The following DPYD variants were observed in gnomAD, a reference collection of about 807,000 sequenced individuals.
DPYD encodes the protein dihydropyrimidine dehydrogenase.
A neutral mutation model predicts 116.2 loss-of-function variants in DPYD; 109 were observed. The ratio of observed to expected loss-of-function variants is 0.94; its 90% CI spans 0.80 to 1.10. The LOEUF is 1.10. Ranked by LOEUF, DPYD falls within the 50% of genes least tolerant of loss-of-function variation. The probability of loss-of-function intolerance (pLI) is 0.00; values close to 1 mark genes in which losing one functional copy is unlikely to be tolerated. For missense variants in DPYD, 1,302 were observed against 1,254.5 expected (o/e 1.04, Z -0.57); for synonymous variants, 440 against 432.0 (o/e 1.02, Z -0.23).
At chr1:97,346,109 T>C (rs140415469) in intron 16 of DPYD, among the ~76,000 whole-genome samples, 194 of 151,976 alleles carry the variant, frequency 1.3e-3, no homozygotes, top group African/African-American at 4.6e-3. Context: ...TTATCTTCCA[T>C]ATACATGAAA....
intron 3 of DPYD, among the ~76,000 whole-genome samples, chr1:97,805,955 A>C (rs996628360): frequency 1.3e-5 from 2 of 151,868 alleles, no homozygotes; most frequent in Admixed American, 1.3e-4. Flanking sequence ...ATAAAATGTA[A>C]ACTGTCAGAC....
At chr1:97,886,444 C>T (rs1279030525) in intron 1 of DPYD, among the ~76,000 whole-genome samples, 7 of 152,040 alleles carry the variant, frequency 4.6e-5, no homozygotes, top group Admixed American at 2.6e-4. Context: ...AATATCATGC[C>T]AATAACACCA....
chr1:97,366,662 C>T (rs1309272555), intron 16 of DPYD, among the ~76,000 whole-genome samples: 1 of 152,156 alleles, frequency 6.6e-6, no homozygotes, highest in Non-Finnish European at 1.5e-5. Flanking sequence ...TAATTCTCCA[C>T]ATACATAGCT....
rs1057516968 is a variant in DPYD, at chr1:97,515,785, G to A, written c.1681C>T (p.Arg561Ter). ...CCCCATCCAGCTTCAAAAGCTCTTCGAATCATTGATGTGCTGGTGGCTGGA... is the reference window on the plus strand; with the variant it reads ...CCCCATCCAGCTTCAAAAGCTCTTCAAATCATTGATGTGCTGGTGGCTGGA... ...ATPATSTSMI[R>*]RAFEAGWGFA... is the part of the protein sequence containing the mutation. Residue 561 changes from arginine (R) to a stop codon, truncating the protein, a stop_gained, in exon 13 of 23, where the codon CGA becomes TGA. Coordinates refer to ENST00000370192, the MANE Select transcript of DPYD (RefSeq NM_000110.4). LOFTEE classifies it high-confidence loss of function. 12 of 1,612,732 alleles carry A rather than the reference G, an allele frequency of 7.4e-6. No individual in the cohort carries two copies. The highest frequency in any genetic ancestry group is 4.0e-5 in the African/African-American group (3 of 74,814).
At chr1:97,662,965 G>A (rs377693686) in intron 8 of DPYD, among the ~76,000 whole-genome samples, 5 of 152,200 alleles carry the variant, frequency 3.3e-5, no homozygotes, top group Admixed American at 6.5e-5. Flanking sequence ...ATGTAATCTC[G>A]TCAATGCCAT....
intron 14 of DPYD, among the ~76,000 whole-genome samples, chr1:97,446,684 C>T (rs1008951796): frequency 4.6e-5 from 7 of 152,090 alleles, no homozygotes; most frequent in Middle Eastern, 3.2e-3. Context: ...TAAAAAATTT[C>T]AGTCTTTGCT....
intron 18 of DPYD, chr1:97,280,066 GC>G (rs1417904804): frequency 2.0e-5 from 3 of 152,076 alleles, no homozygotes; most frequent in African/African-American, 7.2e-5. Context: ...AAAAGGAAGA[GC>G]TTACCACTCA....
intron 18 of DPYD, among the ~76,000 whole-genome samples, chr1:97,281,253 A>G (rs557397098): frequency 6.6e-6 from 1 of 152,134 alleles, no homozygotes; most frequent in Admixed American, 6.5e-5. Flanking sequence ...AACACCAGAG[A>G]ATTTCCAGAC....
At chr1:97,163,025 A>T (rs1656044566) in intron 20 of DPYD, among the ~76,000 whole-genome samples, 1 of 151,446 alleles carries the variant, frequency 6.6e-6, no homozygotes, top group Non-Finnish European at 1.5e-5. Flanking sequence ...AACCATAAAA[A>T]CCCTAGAAGA....
chr1:97,230,631 A>T (rs1428158066), intron 19 of DPYD, among the ~76,000 whole-genome samples: 1 of 152,204 alleles, frequency 6.6e-6, no homozygotes, highest in African/African-American at 2.4e-5. Flanking sequence ...AACTTAAAAT[A>T]AAAGTTTAAA....
chr1:97,467,689 A>G (rs1174210251), intron 13 of DPYD, among the ~76,000 whole-genome samples: 7 of 152,210 alleles, frequency 4.6e-5, no homozygotes, highest in Admixed American at 2.0e-4. Flanking sequence ...TACGTAGGTC[A>G]ATGGTCTCTA....
intron 8 of DPYD, among the ~76,000 whole-genome samples, chr1:97,618,537 G>A (rs142174330): frequency 1.1e-3 from 165 of 151,806 alleles, no homozygotes; most frequent in African/African-American, 3.8e-3. Context: ...CACCATGCCC[G>A]GTTAATTTTT....
intron 6 of DPYD, among the ~76,000 whole-genome samples, chr1:97,699,091 T>C (rs1323528856): frequency 6.6e-6 from 1 of 152,056 alleles, no homozygotes; most frequent in East Asian, 1.9e-4. Flanking sequence ...TGATTGGTTC[T>C]TATAATCAAA....
At chr1:97,380,732 G>A (rs1339754872) in intron 15 of DPYD, among the ~76,000 whole-genome samples, 3 of 152,158 alleles carry the variant, frequency 2.0e-5, no homozygotes, top group African/African-American at 4.8e-5. Context: ...CAAAAGAAAT[G>A]TATATGTTAG....
intron 3 of DPYD, among the ~76,000 whole-genome samples, chr1:97,753,770 A>T (rs1215290088): frequency 5.3e-5 from 8 of 152,128 alleles, no homozygotes; most frequent in Non-Finnish European, 1.0e-4. Flanking sequence ...AAATAAAAGC[A>T]ATTAGAAACA....
chr1:97,722,275 C>G (rs569225001), intron 4 of DPYD, among the ~76,000 whole-genome samples: 1 of 151,240 alleles, frequency 6.6e-6, no homozygotes, highest in East Asian at 1.9e-4. Context: ...AAAAGTCTGG[C>G]AAATTTTAAC....
chr1:97,425,614 A>G (rs910650608), intron 14 of DPYD, among the ~76,000 whole-genome samples: 8 of 152,102 alleles, frequency 5.3e-5, no homozygotes, highest in Non-Finnish European at 1.2e-4. Flanking sequence ...GGCATCTATA[A>G]TGATTCATAT....
At chr1:97,490,992 A>C (rs1365672648) in intron 13 of DPYD, among the ~76,000 whole-genome samples, 1 of 150,680 alleles carries the variant, frequency 6.6e-6, no homozygotes, top group East Asian at 1.9e-4. Context: ...ATTGCATATA[A>C]AATTCTGCAT....
chr1:97,159,814 A>G (rs1655755069), intron 20 of DPYD, among the ~76,000 whole-genome samples: 1 of 152,072 alleles, frequency 6.6e-6, no homozygotes, highest in African/African-American at 2.4e-5. Flanking sequence ...AAATAGGAAT[A>G]TTAAAGGAAT....
Sources: allele counts gnomAD v4.1 joint callset (sites outside exome capture counted in the v4.1 genomes callset), GRCh38; gene constraint gnomAD v4.1.1; transcripts MANE v1.5; gene names NCBI Gene and HGNC (gene_info 2026-07-23, HGNC 2026-07-21).